Variants in SNTG1 observed in about 807,000 individuals in gnomAD.
SNTG1 encodes syntrophin gamma 1.
In SNTG1, 39 loss-of-function variants were observed where a neutral mutation model predicts 74.7. The ratio of observed to expected loss-of-function variants is 0.52; its 90% CI spans 0.40 to 0.68. The LOEUF is 0.68. Among genes scored for constraint, SNTG1 ranks in the 30% least tolerant of loss-of-function variants. The pLI is 0.00. For synonymous variants in SNTG1, 254 were observed against 217.1 expected (o/e 1.17, Z -1.49); for missense variants, 685 against 609.5 (o/e 1.12, Z -1.30).
At chr8:50,065,084 A>G (rs1031234539) in intron 1 of SNTG1, among the ~76,000 whole-genome samples, 1 of 152,208 alleles carries the variant, frequency 6.6e-6, no homozygotes, top group Non-Finnish European at 1.5e-5. Context: ...AATATGATTG[A>G]GAGAATTCCA....
At chr8:50,498,467 G>C (rs1484050435) in intron 8 of SNTG1, among the ~76,000 whole-genome samples, 1 of 151,722 alleles carries the variant, frequency 6.6e-6, no homozygotes, top group Non-Finnish European at 1.5e-5. Context: ...TTATTATTGA[G>C]TTTTGAGTGT....
At chr8:49,913,630 G>A (rs1200443871) in intron 1 of SNTG1, among the ~76,000 whole-genome samples, 1 of 152,172 alleles carries the variant, frequency 6.6e-6, no homozygotes, top group Non-Finnish European at 1.5e-5. Flanking sequence ...TATCTGAGGA[G>A]GAGAAACATG....
At position 50,491,328 on chromosome 8, in the gene SNTG1, A is replaced by C. The variant is rs184367674; in HGVS notation, c.364-11450A>C. ...TCTGGGAGTTTGCGACAAGTACTTA[A>C]GTTGTACACTTTATTATTGGAAAGC... On this transcript the variant is annotated intron_variant, in intron 8 of 18. Coordinates refer to ENST00000642720, the MANE Select transcript of SNTG1 (RefSeq NM_018967.5). 277 of 152,430 alleles carry C rather than the reference A, an allele frequency of 1.8e-3. 2 individuals are homozygous for C. The highest frequency in any genetic ancestry group is 6.1e-3 in the African/African-American group (255 of 41,582). The allele number at this position is 152,430 out of a possible 1,614,324, so 9.4% of individuals were successfully genotyped here.
intron 2 of SNTG1, among the ~76,000 whole-genome samples, chr8:50,194,578 C>T (rs2083695174): frequency 1.3e-5 from 2 of 152,000 alleles, no homozygotes; most frequent in Admixed American, 1.3e-4. Flanking sequence ...GTTAATCTTG[C>T]TAATGGTCTA....
At chr8:50,689,293 T>C (rs559834348) in intron 15 of SNTG1, among the ~76,000 whole-genome samples, 1 of 152,292 alleles carries the variant, frequency 6.6e-6, no homozygotes, top group African/African-American at 2.4e-5. Context: ...CTATGTTGAA[T>C]AGGAGTGGTG....
intron 2 of SNTG1, among the ~76,000 whole-genome samples, chr8:50,198,242 T>C (rs1326514737): frequency 6.6e-6 from 1 of 152,070 alleles, no homozygotes; most frequent in Non-Finnish European, 1.5e-5. Context: ...GAGAAAGCAG[T>C]CTCCCGGGTT....
At chr8:50,591,785 A>G (rs1474157824) in intron 13 of SNTG1, among the ~76,000 whole-genome samples, 1 of 152,208 alleles carries the variant, frequency 6.6e-6, no homozygotes, top group Non-Finnish European at 1.5e-5. Flanking sequence ...TTGTGTCTAC[A>G]ATGCTCTGAT....
intron 2 of SNTG1, among the ~76,000 whole-genome samples, chr8:50,183,254 C>T (rs1375383993): frequency 6.6e-6 from 1 of 152,212 alleles, no homozygotes; most frequent in East Asian, 1.9e-4. Context: ...TGCGCTATTT[C>T]TGTAAGTCTT....
rs199989678 is a variant in SNTG1, at chr8:50,570,244, T to TTA, written c.810+17067_810+17068dup. Among the ~76,000 whole-genome samples, 78 of 96,846 alleles carry TTA rather than the reference T, an allele frequency of 8.1e-4. 16 individuals are homozygous for TTA. The highest frequency in any genetic ancestry group is 9.9e-4 in the East Asian group (3 of 3,042). 63.5% of individuals were successfully genotyped at this position (96,846 alleles called of 152,430 possible). On this transcript the variant is annotated intron_variant, in intron 12 of 18. Coordinates refer to ENST00000642720, the MANE Select transcript of SNTG1 (RefSeq NM_018967.5). ...GGTTCTATTTTTATTTTATTTTATT[T>TTA]TATTTTATTTTATTTTATTTTATTT...
Position 50,502,804 on chromosome 8 carries a change from A to G in SNTG1, c.390A>G (p.Glu130=). The G allele has an allele frequency of 6.2e-7, 1 of 1,613,230 alleles. No individual in the cohort carries two copies. The highest frequency in any genetic ancestry group is 1.1e-5 in the South Asian group (1 of 90,994). ...TTCAGGTTCTTCGGAATGCTGGAGA[A>G]GAAGTGACTCTAACAGTGTCATTTT... is the stretch of plus-strand genomic sequence containing the variant. ...EVVQVLRNAG[E]EVTLTVSFLK... is the part of the protein sequence containing the mutation. Residue 130 remains glutamate, a synonymous_variant, in exon 9 of 19, where the codon GAA becomes GAG. Transcript: ENST00000642720.
chr8:50,465,065 A>G (rs2131706746), intron 8 of SNTG1, among the ~76,000 whole-genome samples: 2 of 152,236 alleles, frequency 1.3e-5, no homozygotes, highest in Admixed American at 1.3e-4. Flanking sequence ...ACAAGGAAAC[A>G]AGGTGTGCTT....
At chr8:50,460,109 C>G (rs1044075773) in intron 8 of SNTG1, among the ~76,000 whole-genome samples, 1 of 152,196 alleles carries the variant, frequency 6.6e-6, no homozygotes, top group Non-Finnish European at 1.5e-5. Context: ...AGTGGCTGAA[C>G]TAGTTTACAT....
At chr8:50,384,768 A>G (rs2092547799) in intron 2 of SNTG1, among the ~76,000 whole-genome samples, 3 of 152,160 alleles carry the variant, frequency 2.0e-5, no homozygotes, top group African/African-American at 7.2e-5. Flanking sequence ...AAAGAAGGTA[A>G]TGGAGCAAGA....
At chr8:50,542,326 T>G (rs2094354422) in intron 11 of SNTG1, among the ~76,000 whole-genome samples, 1 of 151,758 alleles carries the variant, frequency 6.6e-6, no homozygotes, top group Non-Finnish European at 1.5e-5. Flanking sequence ...CTGCTAATTT[T>G]TTGTATCTTT....
At chr8:49,927,279 C>T (rs1441376013) in intron 1 of SNTG1, among the ~76,000 whole-genome samples, 5 of 152,128 alleles carry the variant, frequency 3.3e-5, no homozygotes, top group East Asian at 1.9e-4. Context: ...TGAAAACTTA[C>T]GTCCAGCAAA....
chr8:50,000,026 A>C (rs917351443), intron 1 of SNTG1, among the ~76,000 whole-genome samples: 1 of 152,196 alleles, frequency 6.6e-6, no homozygotes, highest in African/African-American at 2.4e-5. Flanking sequence ...CTTCACTACA[A>C]GAGAAATAAA....
chr8:50,449,861 G>GA, intron 6 of SNTG1, 136 bp downstream of exon 6: 1 of 710,194 alleles, frequency 1.4e-6, no homozygotes, highest in Non-Finnish European at 2.1e-6. Flanking sequence ...ATTAGTGGCT[G>GA]AGTCTGCTTC....
intron 2 of SNTG1, among the ~76,000 whole-genome samples, chr8:50,195,394 G>A (rs545470180): frequency 2.6e-5 from 4 of 152,010 alleles, no homozygotes; most frequent in Non-Finnish European, 5.9e-5. Context: ...AAAGGGCTTG[G>A]TTCTTCCCCC....
rs1177373620 is a variant in SNTG1, at chr8:49,911,539, A to G, written c.-795A>G. 1 of 149,588 alleles carries G rather than the reference A, an allele frequency of 6.7e-6. No individual in the cohort carries two copies. Among genetic ancestry groups the G allele is most frequent in the Admixed American group, 6.8e-5 (1 of 14,762 alleles). The allele number at this position is 149,588 out of a possible 1,614,324, so 9.3% of individuals were successfully genotyped here. A position where few individuals can be genotyped will look rare whatever the true frequency, so the allele number is the denominator to read the frequency against. ...TATGAGACTGTTAATTTGGAGAAAC[A>G]ATTAGCCCCTACAAAAAAAAAAAAG... On this transcript the variant is annotated 5_prime_UTR_variant, in exon 1 of 19. Coordinates refer to ENST00000642720, the MANE Select transcript of SNTG1 (RefSeq NM_018967.5).
Sources: gnomAD v4.1 joint callset for allele counts (sites outside exome capture counted in the v4.1 genomes callset) on GRCh38, gnomAD v4.1.1 for gene constraint, MANE v1.5 for transcripts, NCBI Gene and HGNC (gene_info 2026-07-23, HGNC 2026-07-21) for gene names.